IQCJ: variants seen among roughly 807,000 people sequenced by gnomAD.
IQCJ encodes the protein IQ motif containing J, also known as IQ domain-containing protein J.
A neutral mutation model predicts 11.0 loss-of-function variants in IQCJ; 9 were observed. That is an observed-to-expected ratio of 0.82 (90% CI 0.49 to 1.43). The LOEUF is 1.43. IQCJ is among the 40% of genes most tolerant of loss of function. The pLI, the probability that IQCJ is intolerant of heterozygous loss-of-function variation, is 0.00. For missense variants in IQCJ, 146 were observed against 133.2 expected, an observed-to-expected ratio of 1.10 and a Z score of -0.47; for synonymous variants, 55 against 51.3, an observed-to-expected ratio of 1.07 and a Z score of -0.31.
intron 1 of IQCJ, among the ~76,000 whole-genome samples, chr3:159,072,943 G>C (rs149122042): frequency 1.3e-5 from 2 of 152,052 alleles, no homozygotes; most frequent in African/African-American, 4.8e-5. Context: ...GTTGTTCACT[G>C]GGTGTGTCAT....
intron 1 of IQCJ, among the ~76,000 whole-genome samples, chr3:159,163,561 C>A (rs1437712833): frequency 6.6e-6 from 1 of 152,114 alleles, no homozygotes; most frequent in Non-Finnish European, 1.5e-5. Context: ...GATGGGGTTT[C>A]ACCATGTTGG....
chr3:159,125,270 C>T (rs1031626402), intron 1 of IQCJ, among the ~76,000 whole-genome samples: 1 of 152,114 alleles, frequency 6.6e-6, no homozygotes, highest in Non-Finnish European at 1.5e-5. Context: ...AAATACCTGA[C>T]CAGCACTTCT....
chr3:159,125,990 C>A (rs963687080), intron 1 of IQCJ, among the ~76,000 whole-genome samples: 2 of 152,232 alleles, frequency 1.3e-5, no homozygotes, highest in African/African-American at 4.8e-5. Context: ...AGTACAGCGG[C>A]TTCTCCCAGA....
chr3:159,184,938 C>A (rs1018918272), intron 1 of IQCJ, among the ~76,000 whole-genome samples: 5 of 152,132 alleles, frequency 3.3e-5, no homozygotes, highest in Admixed American at 6.5e-5. Context: ...ACCAAAAGAA[C>A]CACTAATTTT....
downstream of IQCJ, chr3:159,265,852 G>T (rs574965162): frequency 3.2e-5 from 5 of 155,758 alleles, no homozygotes; most frequent in African/African-American, 1.2e-4. Flanking sequence ...ATCTACCCCA[G>T]GCATGCACTA....
chr3:159,162,716 C>T (rs1009032385), intron 1 of IQCJ, among the ~76,000 whole-genome samples: 25 of 151,976 alleles, frequency 1.6e-4, no homozygotes, highest in Non-Finnish European at 2.4e-4. Flanking sequence ...ATCAAATAGA[C>T]GCAATAAAAA....
intron 1 of IQCJ, among the ~76,000 whole-genome samples, chr3:159,079,971 C>T (rs1716200918): frequency 6.6e-6 from 1 of 151,528 alleles, no homozygotes. Flanking sequence ...CCAATTTTAC[C>T]CTCATTATTA....
At chr3:159,187,876 G>A (rs1450041715) in intron 1 of IQCJ, among the ~76,000 whole-genome samples, 1 of 152,138 alleles carries the variant, frequency 6.6e-6, no homozygotes, top group Non-Finnish European at 1.5e-5. Context: ...GAATCCCGCT[G>A]CTCTGATTGG....
chr3:159,217,832 T>G (rs1056741239), intron 1 of IQCJ, among the ~76,000 whole-genome samples: 1 of 152,104 alleles, frequency 6.6e-6, no homozygotes, highest in African/African-American at 2.4e-5. Flanking sequence ...TCACCCACAC[T>G]GGGTTCTGTA....
intron 1 of IQCJ, among the ~76,000 whole-genome samples, chr3:159,166,575 T>C (rs148943539): frequency 4.9e-4 from 74 of 152,298 alleles, no homozygotes; most frequent in African/African-American, 1.8e-3. Context: ...AATTAAGTGA[T>C]TTAATATAAA....
chr3:159,069,991 T>C, intron 1 of IQCJ: 2 of 250,102 alleles, frequency 8.0e-6, no homozygotes, highest in South Asian at 9.2e-5. Flanking sequence ...TTCTTAAAAC[T>C]CAGTAAGCAC....
chr3:159,216,427 C>T (rs1043159097), intron 1 of IQCJ, among the ~76,000 whole-genome samples: 2 of 152,084 alleles, frequency 1.3e-5, no homozygotes, highest in Admixed American at 1.3e-4. Context: ...TGGCTGCTTC[C>T]CCTTAGGTCC....
rs79622792 is a variant in IQCJ at position 159,154,012 on chromosome 3, T to A, written c.9+84571T>A. On this transcript the variant is annotated intron_variant, in intron 1 of 3. Coordinates refer to ENST00000397832, the MANE Select transcript of IQCJ (RefSeq NM_001042706.3). The stretch of plus-strand genomic sequence containing the variant: ...CAAATCATTCTTAATAAATTCCTTT[T>A]CTTAATGAATTAGCCATAATAAATC... Among the ~76,000 whole-genome samples, 631 of 152,296 alleles carry A rather than the reference T, an allele frequency of 4.1e-3. 4 individuals carry two copies. The highest frequency in any genetic ancestry group is 0.014 in the African/African-American group (582 of 41,564).
At chr3:159,244,641 G>T (rs1727139662) in intron 1 of IQCJ, among the ~76,000 whole-genome samples, 1 of 152,186 alleles carries the variant, frequency 6.6e-6, no homozygotes, top group South Asian at 2.1e-4. Context: ...ACAGGATTTT[G>T]CTGATGACAG....
chr3:159,167,837 A>G (rs1026660168), intron 1 of IQCJ, among the ~76,000 whole-genome samples: 3 of 152,220 alleles, frequency 2.0e-5, no homozygotes, highest in Admixed American at 1.3e-4. Context: ...AGGTAAGACT[A>G]TCAAATGCTG....
At chr3:159,225,609 A>G (rs1412888294) in intron 1 of IQCJ, among the ~76,000 whole-genome samples, 1 of 152,170 alleles carries the variant, frequency 6.6e-6, no homozygotes, top group East Asian at 1.9e-4. Flanking sequence ...TATACTATTA[A>G]AGAATAAAAC....
chr3:159,182,239 C>T (rs1287769241), intron 1 of IQCJ, among the ~76,000 whole-genome samples: 1 of 151,764 alleles, frequency 6.6e-6, no homozygotes, highest in Admixed American at 6.6e-5. Flanking sequence ...CTCTCTATAC[C>T]CCCAATGACA....
chr3:159,260,906 A>G (rs1326281050), intron 3 of IQCJ, among the ~76,000 whole-genome samples: 1 of 152,166 alleles, frequency 6.6e-6, no homozygotes, highest in Non-Finnish European at 1.5e-5. Flanking sequence ...CTGGCCTTTA[A>G]GTAAGAACCC....
intron 1 of IQCJ, among the ~76,000 whole-genome samples, chr3:159,086,403 C>CT (rs1156562021): frequency 1.3e-5 from 2 of 152,248 alleles, no homozygotes; most frequent in African/African-American, 4.8e-5. Context: ...GATGCGTGCT[C>CT]TTTTTTGGTT....
Sources: gnomAD v4.1 joint callset for allele counts (sites outside exome capture counted in the v4.1 genomes callset) on GRCh38, gnomAD v4.1.1 for gene constraint, MANE v1.5 for transcripts, NCBI Gene and HGNC (gene_info 2026-07-23, HGNC 2026-07-21) for gene names.